The following RNASEH2B variants were observed in gnomAD, a reference collection of about 807,000 sequenced individuals.
RNASEH2B encodes Aicardi-Goutieres syndrome 2 protein.
Under a neutral mutation model 45.0 loss-of-function variants are expected in RNASEH2B, and 36 were observed. The observed-to-expected ratio is 0.80, with a 90% CI of 0.61 to 1.06. The LOEUF is 1.06. Among genes scored for constraint, RNASEH2B ranks in the 50% least tolerant of loss-of-function variants. RNASEH2B has a pLI of 0.00. For synonymous variants in RNASEH2B, 119 were observed against 125.7 expected (o/e 0.95, Z 0.35); for missense variants, 361 against 360.3 (o/e 1.00, Z -0.02).
intron 9 of RNASEH2B, chr13:50,969,850 A>C: frequency 9.5e-5 from 129 of 1,354,862 alleles, no homozygotes; most frequent in Middle Eastern, 1.8e-4. Flanking sequence ...GTTCTGTTCT[A>C]GGAGCTGCAG....
intron 1 of RNASEH2B, among the ~76,000 whole-genome samples, chr13:50,926,375 C>G (rs2137921356): frequency 6.6e-6 from 1 of 152,166 alleles, no homozygotes; most frequent in South Asian, 2.1e-4. Flanking sequence ...TAAATTGTTG[C>G]TATGCCCCCT....
intron 1 of RNASEH2B, chr13:50,910,737 A>T (rs953659031): frequency 6.6e-6 from 1 of 152,588 alleles, no homozygotes; most frequent in Admixed American, 6.5e-5. Flanking sequence ...CATCCAGGAC[A>T]TGCGAGGGCT....
intron 7 of RNASEH2B, among the ~76,000 whole-genome samples, chr13:50,947,278 T>A (rs979449335): frequency 7.2e-5 from 11 of 152,168 alleles, no homozygotes; most frequent in Admixed American, 2.6e-4. Context: ...GTATTTCTAA[T>A]TGCTGCCAGA....
chr13:50,910,889 C>T (rs1199373520), intron 1 of RNASEH2B: 1 of 152,144 alleles, frequency 6.6e-6, no homozygotes, highest in African/African-American at 2.4e-5. Context: ...TCTCCTGTTC[C>T]CTGTATTAAG....
intron 1 of RNASEH2B, among the ~76,000 whole-genome samples, chr13:50,920,359 A>G (rs994321301): frequency 1.3e-5 from 2 of 152,210 alleles, no homozygotes; most frequent in Non-Finnish European, 2.9e-5. Flanking sequence ...GTGGAAGCCC[A>G]GCAGATGGAA....
At chr13:50,969,834 C>G in intron 9 of RNASEH2B, 1 of 1,214,452 alleles carries the variant, frequency 8.2e-7, no homozygotes. Flanking sequence ...AACCCGCCAG[C>G]CCTGCGTTCT....
intron 5 of RNASEH2B, among the ~76,000 whole-genome samples, chr13:50,940,304 A>G (rs1006372906): frequency 6.6e-6 from 1 of 152,198 alleles, no homozygotes; most frequent in South Asian, 2.1e-4. Context: ...TTGGGGGATG[A>G]TGCTTACATG....
chr13:50,929,923 G>T (rs1409259904), intron 3 of RNASEH2B, among the ~76,000 whole-genome samples: 1 of 152,194 alleles, frequency 6.6e-6, no homozygotes, highest in Non-Finnish European at 1.5e-5. Context: ...TTTTTAACAT[G>T]TTATTTCCTT....
At chr13:50,929,355 T>C in intron 2 of RNASEH2B, 120 bp from the exon 3 acceptor site, 2 of 712,192 alleles carry the variant, frequency 2.8e-6, no homozygotes, top group East Asian at 5.4e-5. Flanking sequence ...AATAGACCTG[T>C]GTATGTTTAT....
At chr13:50,945,053 A>G (rs917728142) in intron 6 of RNASEH2B, among the ~76,000 whole-genome samples, 1 of 152,170 alleles carries the variant, frequency 6.6e-6, no homozygotes, top group African/African-American at 2.4e-5. Context: ...CAGTAGTCTT[A>G]TGAGGTGAAT....
intron 1 of RNASEH2B, among the ~76,000 whole-genome samples, chr13:50,924,440 C>T (rs1232515911): frequency 6.6e-6 from 1 of 152,132 alleles, no homozygotes; most frequent in Non-Finnish European, 1.5e-5. Flanking sequence ...TATTACTAGA[C>T]ACATAACAGT....
chr13:50,960,081 C>T, downstream of RNASEH2B: 6 of 617,502 alleles, frequency 9.7e-6, no homozygotes, highest in Non-Finnish European at 1.4e-5. Flanking sequence ...AGGTTCTAGA[C>T]ATATCTTTGT....
chr13:50,943,273 T>C, intron 5 of RNASEH2B, 48 bp from the exon 6 acceptor site: 1 of 1,089,288 alleles, frequency 9.2e-7, no homozygotes, highest in South Asian at 1.3e-5. Context: ...ACCTTAGGAG[T>C]TTATTTTTTT....
rs932295816 is a variant in RNASEH2B, at chr13:50,965,101, A to G, written c.742-4831A>G. Among the ~76,000 whole-genome samples the G allele has an allele frequency of 5.9e-5, 9 of 152,222 alleles. No individual in the cohort carries two copies. The East Asian group carries it at 1.7e-3, about 29-fold the overall frequency. Reference sequence around the variant, plus strand: ...GATGGTGGTCCCATGAGACTATAACACAGAGCTGAAAAATTCCTATCACCT... The same window carrying G: ...GATGGTGGTCCCATGAGACTATAACGCAGAGCTGAAAAATTCCTATCACCT... On this transcript the variant is annotated intron_variant, in intron 9 of 9. Coordinates refer to the RNASEH2B transcript ENST00000422660.
chr13:50,966,358 C>G (rs1952164628), intron 9 of RNASEH2B, among the ~76,000 whole-genome samples: 1 of 152,178 alleles, frequency 6.6e-6, no homozygotes, highest in Non-Finnish European at 1.5e-5. Flanking sequence ...GATACGCTAG[C>G]CTACTTGAAT....
exon 10 of RNASEH2B, chr13:50,970,169 C>A: frequency 3.2e-6 from 2 of 633,988 alleles, no homozygotes; most frequent in Non-Finnish European, 2.8e-6. Context: ...GAGCACTCAG[C>A]TAGGCGGTTC....
downstream of RNASEH2B, among the ~76,000 whole-genome samples, chr13:50,958,399 A>C (rs1952077361): frequency 6.6e-6 from 1 of 152,008 alleles, no homozygotes; most frequent in Non-Finnish European, 1.5e-5. Flanking sequence ...TCAGATAGCT[A>C]TAGGTGTGTG....
chr13:50,960,092 A>G (rs141603716), downstream of RNASEH2B: 1,430 of 717,708 alleles, frequency 2.0e-3, 20 homozygotes, highest in African/African-American at 0.024. Flanking sequence ...ATATCTTTGT[A>G]TGAGTATGTG....
chr13:50,913,461 A>G (rs985668729), intron 1 of RNASEH2B, among the ~76,000 whole-genome samples: 2 of 151,986 alleles, frequency 1.3e-5, no homozygotes, highest in African/African-American at 4.8e-5. Flanking sequence ...AGGAAATGTT[A>G]ATTGGGAAAC....
Sources: gnomAD v4.1 joint callset for allele counts (sites outside exome capture counted in the v4.1 genomes callset) on GRCh38, gnomAD v4.1.1 for gene constraint, MANE v1.5 for transcripts, NCBI Gene and HGNC (gene_info 2026-07-23, HGNC 2026-07-21) for gene names.